The following GALNT13 variants were observed in gnomAD, a reference collection of about 807,000 sequenced individuals.
The protein encoded by GALNT13 is polypeptide N-acetylgalactosaminyltransferase 13.
In GALNT13, 28 loss-of-function variants were observed where a neutral mutation model predicts 64.2. That is an observed-to-expected ratio of 0.44 (90% confidence interval 0.32 to 0.60). The LOEUF (loss-of-function observed/expected upper bound fraction) is 0.60. Ranked by LOEUF, GALNT13 falls within the 20% of genes least tolerant of loss-of-function variation. The probability of loss-of-function intolerance (pLI) is 0.05; values close to 1 mark genes in which losing one functional copy is unlikely to be tolerated. For missense variants in GALNT13, 577 were observed against 669.8 expected (o/e 0.86, Z 1.53); for synonymous variants, 214 against 224.6 (o/e 0.95, Z 0.42).
At chr2:154,271,493 A>G (rs748891175) in intron 8 of GALNT13, among the ~76,000 whole-genome samples, 4 of 151,978 alleles carry the variant, frequency 2.6e-5, no homozygotes, top group Non-Finnish European at 4.4e-5. Context: ...GAAGTTAGCT[A>G]TGTCAGGAAT....
chr2:153,326,599 G>T, the GALNT13 span, among the ~76,000 whole-genome samples: 1 of 151,996 alleles, frequency 6.6e-6, no homozygotes, highest in Non-Finnish European at 1.5e-5. Flanking sequence ...TTTACATTTT[G>T]GTATGTTTTT....
intron 8 of GALNT13, among the ~76,000 whole-genome samples, chr2:154,284,565 C>G (rs1692154206): frequency 7.5e-6 from 1 of 132,724 alleles, no homozygotes; most frequent in African/African-American, 2.7e-5. Flanking sequence ...ATATGTATCT[C>G]ACATTTTCTT....
intron 9 of GALNT13, among the ~76,000 whole-genome samples, chr2:154,364,280 T>C (rs1440928492): frequency 6.6e-6 from 1 of 152,222 alleles, no homozygotes; most frequent in Non-Finnish European, 1.5e-5. Flanking sequence ...TTTGGGAGTG[T>C]AATAGTGCAA....
intron 3 of GALNT13, among the ~76,000 whole-genome samples, chr2:153,994,441 A>T (rs1574287052): frequency 6.6e-6 from 1 of 152,184 alleles, no homozygotes; most frequent in Non-Finnish European, 1.5e-5. Flanking sequence ...CAGTAATGGG[A>T]TGGCTGGGTG....
the GALNT13 span, among the ~76,000 whole-genome samples, chr2:153,560,126 C>G: frequency 6.6e-6 from 1 of 151,946 alleles, no homozygotes; most frequent in African/African-American, 2.4e-5. Flanking sequence ...GACCTGGTAT[C>G]AGTCATGTCT....
At chr2:154,164,049 G>T (rs1684886636) in intron 4 of GALNT13, among the ~76,000 whole-genome samples, 1 of 152,142 alleles carries the variant, frequency 6.6e-6, no homozygotes, top group Non-Finnish European at 1.5e-5. Context: ...ATGCCAAATA[G>T]TGCAAAGCTT....
the GALNT13 span, among the ~76,000 whole-genome samples, chr2:153,357,938 C>T: frequency 2.0e-5 from 3 of 152,236 alleles, no homozygotes; most frequent in African/African-American, 7.2e-5. Flanking sequence ...TGTATATCCT[C>T]CCAAGAGGCA....
chr2:153,750,089 T>A, the GALNT13 span, among the ~76,000 whole-genome samples: 1 of 152,004 alleles, frequency 6.6e-6, no homozygotes, highest in East Asian at 1.9e-4. Flanking sequence ...AAGGATCATA[T>A]GATTTTTATC....
the GALNT13 span, among the ~76,000 whole-genome samples, chr2:153,719,191 T>C: frequency 6.6e-6 from 1 of 152,138 alleles, no homozygotes; most frequent in Non-Finnish European, 1.5e-5. Flanking sequence ...GATGTGTAGC[T>C]TGGAAAAGGG....
the GALNT13 span, among the ~76,000 whole-genome samples, chr2:153,265,060 A>T: frequency 6.6e-6 from 1 of 152,128 alleles, no homozygotes; most frequent in African/African-American, 2.4e-5. Context: ...AGACAAAGTC[A>T]TTTTTTACTG....
chr2:154,405,321 A>G (rs768019261), intron 10 of GALNT13, among the ~76,000 whole-genome samples: 1 of 152,140 alleles, frequency 6.6e-6, no homozygotes, highest in Non-Finnish European at 1.5e-5. Context: ...TAGAAAAGAA[A>G]AAGGAGCAAC....
At chr2:153,855,814 C>A in the GALNT13 span, among the ~76,000 whole-genome samples, 1 of 151,962 alleles carries the variant, frequency 6.6e-6, no homozygotes, top group Admixed American at 6.6e-5. Context: ...TTCATAATAA[C>A]AAAAACAGTG....
chr2:153,972,882 T>C (rs1693835526), intron 3 of GALNT13, among the ~76,000 whole-genome samples: 1 of 152,024 alleles, frequency 6.6e-6, no homozygotes, highest in Non-Finnish European at 1.5e-5. Flanking sequence ...TGTAACACTT[T>C]AGAGTTAGTA....
intron 8 of GALNT13, among the ~76,000 whole-genome samples, chr2:154,298,782 A>G (rs1693225758): frequency 8.2e-6 from 1 of 121,814 alleles, no homozygotes; most frequent in African/African-American, 3.2e-5. Flanking sequence ...ATATTTATTT[A>G]TATATTATAT....
the GALNT13 span, among the ~76,000 whole-genome samples, chr2:153,301,885 G>A: frequency 6.7e-6 from 1 of 149,504 alleles, no homozygotes; most frequent in East Asian, 2.0e-4. Flanking sequence ...CTTTGTGTGT[G>A]TGTGTGTGTG....
intron 2 of GALNT13, among the ~76,000 whole-genome samples, chr2:153,939,011 G>A (rs1387358358): frequency 1.7e-4 from 26 of 151,972 alleles, no homozygotes; most frequent in East Asian, 1.9e-4. Flanking sequence ...GCGTAATCCT[G>A]TTCTCATATA....
At chr2:153,163,603 G>C in the GALNT13 span, among the ~76,000 whole-genome samples, 1 of 151,780 alleles carries the variant, frequency 6.6e-6, no homozygotes, top group African/African-American at 2.4e-5. Flanking sequence ...ATTTCCTTGA[G>C]GTCACAATAA....
chr2:153,548,034 T>A, the GALNT13 span, among the ~76,000 whole-genome samples: 1 of 152,224 alleles, frequency 6.6e-6, no homozygotes, highest in South Asian at 2.1e-4. Context: ...AATAATATTA[T>A]TTAATGTCCA....
chr2:153,808,674 A>C, the GALNT13 span, among the ~76,000 whole-genome samples: 15 of 152,182 alleles, frequency 9.9e-5, no homozygotes, highest in Admixed American at 8.5e-4. Flanking sequence ...AGTTCACATT[A>C]GCTTCTTCTC....
Sources: allele counts gnomAD v4.1 joint callset (sites outside exome capture counted in the v4.1 genomes callset), GRCh38; gene constraint gnomAD v4.1.1; transcripts MANE v1.5; gene names NCBI Gene and HGNC (gene_info 2026-07-23, HGNC 2026-07-21).